PSD2: variants seen among roughly 807,000 people sequenced by gnomAD.
PSD2 encodes the protein pleckstrin and Sec7 domain containing 2, also known as PH and SEC7 domain-containing protein 2.
PSD2 carries 38 observed loss-of-function variants against 69.8 expected under a neutral mutation model. The observed-to-expected ratio is 0.54, with a 90% CI of 0.42 to 0.71. The LOEUF is 0.71. Among genes scored for constraint, PSD2 ranks in the 30% least tolerant of loss-of-function variants. The probability of loss-of-function intolerance (pLI) is 0.00; values close to 1 mark genes in which losing one functional copy is unlikely to be tolerated. For synonymous variants in PSD2, 412 were observed against 423.0 expected (o/e 0.97, Z 0.32); for missense variants, 943 against 1,014.5 (o/e 0.93, Z 0.96).
intron 1 of PSD2, among the ~76,000 whole-genome samples, chr5:139,804,509 A>G (rs142434644): frequency 6.6e-6 from 1 of 152,296 alleles, no homozygotes; most frequent in African/African-American, 2.4e-5. Context: ...GAGGTCCAGG[A>G]CTTGGAACTG....
the PSD2 span, among the ~76,000 whole-genome samples, chr5:139,766,485 C>T: frequency 5.3e-5 from 8 of 152,192 alleles, no homozygotes; most frequent in Non-Finnish European, 1.2e-4. Flanking sequence ...GTTTTCTCTC[C>T]TCTGTGTATG....
intron 7 of PSD2, among the ~76,000 whole-genome samples, chr5:139,832,754 CAA>C (rs1022256617): frequency 6.6e-6 from 1 of 152,174 alleles, no homozygotes; most frequent in Non-Finnish European, 1.5e-5. Flanking sequence ...ATCTGGTATT[CAA>C]GAGTCTTCAT....
At position 139,837,251 on chromosome 5, in the gene PSD2, C is replaced by T. The variant is rs530280685; in HGVS notation, c.1665+13C>T. ...GTACCTGCAGAAGGTGAGAGACTGC[C>T]CCAGAGACCTTACTCAGAAAGGGCC... On this transcript the variant is annotated intron_variant, in intron 11 of 14. Coordinates refer to ENST00000274710, the MANE Select transcript of PSD2 (RefSeq NM_032289.4). The surrounding 1 kb of genome is among the most constrained non-coding windows in gnomAD (Gnocchi z 5.0). 1.2e-6 allele frequency: 2 copies of T among 1,613,028 alleles called. No homozygotes were observed. The highest frequency in any genetic ancestry group is 1.1e-5 in the South Asian group (1 of 91,040).
At chr5:139,767,756 A>T in the PSD2 span, among the ~76,000 whole-genome samples, 2 of 152,372 alleles carry the variant, frequency 1.3e-5, no homozygotes, top group East Asian at 3.9e-4. Context: ...GCTGTTAATA[A>T]TGTTAACTGA....
rs1760928252 is a variant in PSD2, at chr5:139,843,513, C to T, written c.*1039C>T. ...TGAGCTCCAGAGGTGGCCTCTTGGA[C>T]AGATCTACTGCTATAGGAATAAAAG... On this transcript the variant is annotated 3_prime_UTR_variant, in exon 15 of 15. Transcript: ENST00000274710. 1 of 152,192 alleles carries T rather than the reference C, an allele frequency of 6.6e-6. No individual in the cohort carries two copies. The highest frequency in any genetic ancestry group is 1.5e-5 in the Non-Finnish European group (1 of 68,042). 9.4% of individuals were successfully genotyped at this position (152,192 alleles called of 1,614,324 possible).
At chr5:139,755,124 C>G in the PSD2 span, among the ~76,000 whole-genome samples, 1 of 152,162 alleles carries the variant, frequency 6.6e-6, no homozygotes, top group Non-Finnish European at 1.5e-5. Flanking sequence ...GCCATCTGCC[C>G]CAGCCTCATG....
intron 2 of PSD2, 122 bp downstream of exon 2, chr5:139,809,933 T>C: frequency 9.3e-7 from 1 of 1,077,778 alleles, no homozygotes; most frequent in Non-Finnish European, 1.3e-6. Flanking sequence ...GGGGATTTCA[T>C]ATCCCTCTTT....
At chr5:139,802,018 A>G (rs1759685736) in intron 1 of PSD2, among the ~76,000 whole-genome samples, 1 of 152,200 alleles carries the variant, frequency 6.6e-6, no homozygotes, top group Non-Finnish European at 1.5e-5. Context: ...ACACCTGCTT[A>G]CTTCGTACCA....
At chr5:139,758,542 C>T in the PSD2 span, among the ~76,000 whole-genome samples, 1 of 152,122 alleles carries the variant, frequency 6.6e-6, no homozygotes, top group African/African-American at 2.4e-5. Context: ...CACCTTGCTT[C>T]AGCCTCCTCC....
At chr5:139,758,192 G>C in the PSD2 span, among the ~76,000 whole-genome samples, 1 of 152,182 alleles carries the variant, frequency 6.6e-6, no homozygotes, top group Non-Finnish European at 1.5e-5. Flanking sequence ...GGTGGAGCGT[G>C]CTTTCTGCAT....
intron 7 of PSD2, among the ~76,000 whole-genome samples, chr5:139,829,950 A>G (rs781466435): frequency 2.0e-5 from 3 of 149,862 alleles, no homozygotes; most frequent in Non-Finnish European, 3.0e-5. Flanking sequence ...CATTTCCACC[A>G]CCAACATGCA....
At chr5:139,773,699 G>A in the PSD2 span, among the ~76,000 whole-genome samples, 1 of 152,110 alleles carries the variant, frequency 6.6e-6, no homozygotes, top group African/African-American at 2.4e-5. Flanking sequence ...CCACTGTGTG[G>A]ATAGACCACC....
the PSD2 span, among the ~76,000 whole-genome samples, chr5:139,760,179 C>G: frequency 6.6e-6 from 1 of 152,228 alleles, no homozygotes; most frequent in East Asian, 1.9e-4. Context: ...TACCCCAGTC[C>G]TGGGCCTGGC....
Position 139,814,382 on chromosome 5 carries a change from T to C in PSD2, c.1016+18T>C. 1 of 1,578,756 alleles carries C rather than the reference T, an allele frequency of 6.3e-7. No individual in the cohort carries two copies. On this transcript the variant is annotated intron_variant, in intron 4 of 14. Coordinates refer to ENST00000274710, the MANE Select transcript of PSD2 (RefSeq NM_032289.4). The surrounding 1 kb of genome is among the most constrained non-coding windows in gnomAD (Gnocchi z 4.4). ...GGCAAGAAGTGAGTGTGAGCTCCCC[T>C]GCCCCCAACCCTGGGCAAACCTCGT...
At chr5:139,752,231 C>T in the PSD2 span, among the ~76,000 whole-genome samples, 1 of 152,106 alleles carries the variant, frequency 6.6e-6, no homozygotes. Context: ...CTCTCACTCT[C>T]TCTCTGCCGG....
At chr5:139,833,942 AT>A in intron 8 of PSD2, 151 bp downstream of exon 8, 1 of 671,906 alleles carries the variant, frequency 1.5e-6, no homozygotes, top group African/African-American at 1.8e-5. Context: ...TGAGCTCAAC[AT>A]TTGGCTGTTC....
chr5:139,767,939 G>A, the PSD2 span, among the ~76,000 whole-genome samples: 330 of 152,368 alleles, frequency 2.2e-3, 1 homozygote, highest in Non-Finnish European at 2.2e-3. Flanking sequence ...CAGGGCACCA[G>A]GATGAGTTCC....
At chr5:139,764,265 G>T in the PSD2 span, among the ~76,000 whole-genome samples, 1 of 152,218 alleles carries the variant, frequency 6.6e-6, no homozygotes, top group Non-Finnish European at 1.5e-5. Flanking sequence ...CGCCACAACC[G>T]CAGTGGCCAG....
chr5:139,836,920 G>A lies in PSD2; in HGVS notation c.1513G>A (p.Val505Ile), dbSNP rs1347380172. The A allele has an allele frequency of 6.2e-7, 1 of 1,614,058 alleles. No homozygotes were observed. Among genetic ancestry groups the A allele is most frequent in the Non-Finnish European group, 8.5e-7 (1 of 1,180,026 alleles). ...ILDGGNPFLDVPQALSATTYK... is the reference protein window; with the variant it reads ...ILDGGNPFLDIPQALSATTYK... ...GGATGGTGGCAACCCCTTCCTGGAT[G>A]TCCCACAGGCGCTCAGTGCCACCAC... Residue 505 changes from valine (V) to isoleucine (I), a missense_variant, in exon 10 of 15, where the codon GTC (valine) becomes ATC (isoleucine). Val to Ile is a conservative substitution (Grantham distance 29). Coordinates refer to ENST00000274710, the MANE Select transcript of PSD2 (RefSeq NM_032289.4).
Sources: allele counts gnomAD v4.1 joint callset (sites outside exome capture counted in the v4.1 genomes callset), GRCh38; gene constraint gnomAD v4.1.1; non-coding constraint Gnocchi (gnomAD v3.1); transcripts MANE v1.5; gene names NCBI Gene and HGNC (gene_info 2026-07-23, HGNC 2026-07-21).